UNK: variants seen among roughly 807,000 people sequenced by gnomAD.
The protein encoded by UNK is unk zinc finger, also known as RING finger protein unkempt homolog.
Under a neutral mutation model 97.6 loss-of-function variants are expected in UNK, and 32 were observed. The observed-to-expected ratio is 0.33, with a 90% confidence interval of 0.25 to 0.44. The LOEUF (loss-of-function observed/expected upper bound fraction) is 0.44. UNK is among the 20% of genes least tolerant of loss of function. UNK has a pLI of 1.00. For synonymous variants in UNK, 441 were observed against 461.2 expected (o/e 0.96, Z 0.56); for missense variants, 771 against 1,098.4 (o/e 0.70, Z 4.21).
At position 75,816,389 on chromosome 17, in the gene UNK, G is replaced by A. The variant is rs1457826113; in HGVS notation, c.962-381G>A. On this transcript the variant is annotated intron_variant, in intron 7 of 15. Coordinates refer to ENST00000589666, the MANE Select transcript of UNK (RefSeq NM_001080419.3). The surrounding 1 kb of genome is among the most constrained non-coding windows in gnomAD (Gnocchi z 4.0). ...GTCCCCGGCCATGGGCATTGGGACC[G>A]CCTGGCTGAGACGGCATAAGGAAGT... 6.6e-6 allele frequency among the ~76,000 whole-genome samples: 1 copy of A among 152,208 alleles called. No homozygotes were observed. The highest frequency in any genetic ancestry group is 1.5e-5 in the Non-Finnish European group (1 of 68,042).
chr17:75,809,544 G>A (rs1248240021), intron 1 of UNK, among the ~76,000 whole-genome samples: 2 of 152,266 alleles, frequency 1.3e-5, no homozygotes, highest in African/African-American at 2.4e-5. Context: ...CCTGTGGTCT[G>A]TGGTTCCTGC....
intron 1 of UNK, chr17:75,794,311 A>G: frequency 2.3e-6 from 1 of 435,656 alleles, no homozygotes; most frequent in Non-Finnish European, 3.0e-6. Context: ...CTTATTTGCT[A>G]CTACTGTTGT....
chr17:75,817,034 T>C lies in UNK; in HGVS notation c.1104+122T>C, dbSNP rs1333264916. 4 of 1,386,108 alleles carry C rather than the reference T, an allele frequency of 2.9e-6. No homozygotes were observed. In the East Asian group the frequency reaches 1.0e-4, roughly 35 times the overall value. 85.9% of individuals were successfully genotyped at this position (1,386,108 alleles called of 1,614,324 possible). On this transcript the variant is annotated intron_variant, in intron 8 of 15. Coordinates refer to ENST00000589666, the MANE Select transcript of UNK (RefSeq NM_001080419.3). This position sits in a 1 kb window ranked among gnomAD's most constrained non-coding sequence, Gnocchi z 5.8. The stretch of plus-strand genomic sequence containing the variant: ...GGTATTTGTCCTCAGGCCAGGGGGA[T>C]CTGTCTTTTCCATCTCAGCATTCTT...
rs1436625094 is a variant in UNK at position 75,784,877 on chromosome 17, G to C, written c.-4G>C. ...GAGCGGCGAAGAGGCAGGAAGACAA[G>C]ACCATGTCGAAGGGCCCCGGGCCCG... On this transcript the variant is annotated 5_prime_UTR_variant, in exon 1 of 16. Coordinates refer to ENST00000589666, the MANE Select transcript of UNK (RefSeq NM_001080419.3). 6.3e-7 allele frequency: 1 copy of C among 1,598,826 alleles called. No individual in the cohort carries two copies. Among genetic ancestry groups the C allele is most frequent in the Admixed American group, 1.8e-5 (1 of 56,372 alleles).
In UNK at chr17:75,822,403, C is replaced by A. The variant is rs189928945; in HGVS notation, c.1838-74C>A. On this transcript the variant is annotated intron_variant, in intron 13 of 15. Transcript: ENST00000589666. ...TCCAGTGGACAGCCAGTCCCTGGAA[C>A]CTCTGAGGCAGGGCTGGCCAGGGCC... The A allele has an allele frequency of 4.9e-5, 73 of 1,503,622 alleles. 1 individual carries two copies. In the African/African-American group the frequency reaches 9.5e-4, roughly 20 times the overall value. 93.1% of individuals were successfully genotyped at this position (1,503,622 alleles called of 1,614,324 possible). A position where few individuals can be genotyped will look rare whatever the true frequency, so the allele number is the denominator to read the frequency against.
chr17:75,824,101 A>G lies in UNK; in HGVS notation c.2278-161A>G, dbSNP rs1269806386. On this transcript the variant is annotated intron_variant, in intron 15 of 15. Coordinates refer to ENST00000589666, the MANE Select transcript of UNK (RefSeq NM_001080419.3). The surrounding 1 kb of genome is among the most constrained non-coding windows in gnomAD (Gnocchi z 4.9). ...CCATGCCCCATGCAGAGGTGGACTC[A>G]GCCTGCTCTCTCACCTGCCAACAGG... Among the ~76,000 whole-genome samples the G allele has an allele frequency of 2.0e-5, 3 of 152,100 alleles. No individual in the cohort carries two copies. Among genetic ancestry groups the G allele is most frequent in the Non-Finnish European group, 4.4e-5 (3 of 68,006 alleles).
intron 1 of UNK, chr17:75,793,975 G>A (rs182313029): frequency 1.1e-4 from 105 of 985,288 alleles, no homozygotes; most frequent in African/African-American, 4.7e-4. Context: ...ATTACTATAC[G>A]TTTCTGATGT....
At position 75,818,868 on chromosome 17, in the gene UNK, A is replaced by AC. The variant is rs1477362416; in HGVS notation, c.1546+58dup. On this transcript the variant is annotated intron_variant, in intron 11 of 15. Coordinates refer to ENST00000589666, the MANE Select transcript of UNK (RefSeq NM_001080419.3). The surrounding 1 kb of genome is among the most constrained non-coding windows in gnomAD (Gnocchi z 5.1). ...CCCAGGACTGGGTCTGGGGTCAGAG[A>AC]CCCCCCAGTCTCTGAAGCGAGTCTC... is the stretch of plus-strand genomic sequence containing the variant. 6.1e-6 allele frequency: 9 copies of AC among 1,479,790 alleles called. No individual in the cohort carries two copies. Among genetic ancestry groups the AC allele is most frequent in the Admixed American group, 2.4e-5 (1 of 41,922 alleles). The allele number at this position is 1,479,790 out of a possible 1,614,324, so 91.7% of individuals were successfully genotyped here. A position where few individuals can be genotyped will look rare whatever the true frequency, so the allele number is the denominator to read the frequency against.
intron 1 of UNK, chr17:75,791,967 T>A (rs114517392): frequency 1.0e-6 from 1 of 985,194 alleles, no homozygotes; most frequent in Admixed American, 6.2e-5. Context: ...AAAAGCAAGA[T>A]ACCCTCGTGG....
At chr17:75,790,863 G>A (rs771825739) in intron 1 of UNK, among the ~76,000 whole-genome samples, 6 of 151,420 alleles carry the variant, frequency 4.0e-5, no homozygotes, top group Non-Finnish European at 7.4e-5. Flanking sequence ...CCCAGGAGGC[G>A]GAGGTTGCGG....
chr17:75,800,944 C>T (rs1477898552), intron 1 of UNK, among the ~76,000 whole-genome samples: 1 of 151,252 alleles, frequency 6.6e-6, no homozygotes, highest in Non-Finnish European at 1.5e-5. Context: ...CACTCTGTCG[C>T]CCAGGCTGGA....
chr17:75,809,002 T>C (rs569157960), intron 1 of UNK: 1 of 151,048 alleles, frequency 6.6e-6, no homozygotes, highest in African/African-American at 2.4e-5. Context: ...AGGAGACAGC[T>C]TCATGCCCCC....
Position 75,824,477 on chromosome 17 carries a change from T to TAC in UNK, c.*61_*62insCA. 1 of 1,083,414 alleles carries TAC rather than the reference T, an allele frequency of 9.2e-7. No homozygotes were observed. The highest frequency in any genetic ancestry group is 1.2e-6 in the Non-Finnish European group (1 of 855,230). 67.1% of individuals were successfully genotyped at this position (1,083,414 alleles called of 1,614,324 possible). ...CTCACCTAGGACTTTTTAAAGTATA[T>TAC]ATATATATATGAATATATATATATA... On this transcript the variant is annotated 3_prime_UTR_variant, in exon 16 of 16. Coordinates refer to ENST00000589666, the MANE Select transcript of UNK (RefSeq NM_001080419.3). This position sits in a 1 kb window ranked among gnomAD's most constrained non-coding sequence, Gnocchi z 4.9.
At chr17:75,812,690 G>T (rs978344688) in intron 4 of UNK, 105 bp downstream of exon 4, 2 of 1,463,954 alleles carry the variant, frequency 1.4e-6, no homozygotes, top group Non-Finnish European at 1.8e-6. Flanking sequence ...CCGAGGCCCC[G>T]ACCTGGCCCG....
Position 75,813,890 on chromosome 17 carries a change from A to G in UNK, c.876+12A>G. On this transcript the variant is annotated intron_variant, in intron 6 of 15. Transcript: ENST00000589666. ...AGTTCCACCCCGAGGTGGGCCCCACAGCAGGGTGGGGGGGTGGCTTTGGGA... is the reference window on the plus strand; with the variant it reads ...AGTTCCACCCCGAGGTGGGCCCCACGGCAGGGTGGGGGGGTGGCTTTGGGA... The G allele has an allele frequency of 6.4e-7, 1 of 1,561,304 alleles. No homozygotes were observed. The highest frequency in any genetic ancestry group is 8.7e-7 in the Non-Finnish European group (1 of 1,153,544).
At chr17:75,807,425 G>C (rs1046527386) in intron 1 of UNK, among the ~76,000 whole-genome samples, 1 of 152,182 alleles carries the variant, frequency 6.6e-6, no homozygotes, top group African/African-American at 2.4e-5. Flanking sequence ...TGCCAGTTAC[G>C]TTGGAAACAG....
chr17:75,792,853 C>T (rs1191040038), intron 1 of UNK, among the ~76,000 whole-genome samples: 7 of 152,208 alleles, frequency 4.6e-5, no homozygotes, highest in Non-Finnish European at 1.0e-4. Context: ...ATTAAAAAAT[C>T]AGTGTATATG....
chr17:75,813,242 G>A, intron 5 of UNK, 29 bp downstream of exon 5: 1 of 1,555,102 alleles, frequency 6.4e-7, no homozygotes, highest in East Asian at 2.4e-5. Flanking sequence ...GCCAGCCACG[G>A]GAGGGAGGAG....
chr17:75,797,382 G>A (rs2061815766), intron 1 of UNK, among the ~76,000 whole-genome samples: 1 of 152,156 alleles, frequency 6.6e-6, no homozygotes, highest in Admixed American at 6.5e-5. Flanking sequence ...CTACAGGCAT[G>A]TGCCACCATA....
Sources: gnomAD v4.1 joint callset for allele counts (sites outside exome capture counted in the v4.1 genomes callset) on GRCh38, gnomAD v4.1.1 for gene constraint, Gnocchi (gnomAD v3.1) non-coding constraint, MANE v1.5 for transcripts, NCBI Gene and HGNC (gene_info 2026-07-23, HGNC 2026-07-21) for gene names.